Variants in DCDC2C observed in about 807,000 individuals in gnomAD.
DCDC2C encodes the protein doublecortin domain containing 2C.
In DCDC2C, 44 loss-of-function variants were observed where a neutral mutation model predicts 45.0. The observed-to-expected ratio is 0.98, with a 90% CI of 0.77 to 1.26. DCDC2C has a LOEUF of 1.26. Among genes scored for constraint, DCDC2C ranks in the 50% most tolerant of loss-of-function variants. DCDC2C has a pLI of 0.00. For missense variants in DCDC2C, 447 were observed against 468.9 expected, an observed-to-expected ratio of 0.95 and a Z score of 0.43; for synonymous variants, 187 against 178.8, an observed-to-expected ratio of 1.05 and a Z score of -0.37.
At chr2:3,817,199 G>T (rs1218322958) in intron 10 of DCDC2C, among the ~76,000 whole-genome samples, 1 of 152,158 alleles carries the variant, frequency 6.6e-6, no homozygotes, top group Non-Finnish European at 1.5e-5. Flanking sequence ...CCTGAGTGAT[G>T]GGATCTGGTG....
At chr2:3,797,345 AG>A (rs1354242189) in intron 10 of DCDC2C, among the ~76,000 whole-genome samples, 4 of 126,848 alleles carry the variant, frequency 3.2e-5, no homozygotes, top group African/African-American at 1.4e-4. Context: ...AATTTTTTGA[AG>A]GGTTTTTTGT....
chr2:3,820,475 G>A (rs746777313), intron 10 of DCDC2C, among the ~76,000 whole-genome samples: 4 of 151,974 alleles, frequency 2.6e-5, no homozygotes, highest in African/African-American at 7.3e-5. Context: ...CCCCGCAATC[G>A]ACTTGCCACC....
intron 10 of DCDC2C, among the ~76,000 whole-genome samples, chr2:3,794,517 C>A (rs1394826955): frequency 6.6e-6 from 1 of 151,936 alleles, no homozygotes; most frequent in East Asian, 1.9e-4. Flanking sequence ...CCTCCCCGCT[C>A]CCCCCACCCC....
At position 3,727,006 on chromosome 2, in the gene DCDC2C, A is replaced by T; in HGVS notation, c.343A>T (p.Lys115Ter). ...GGTGTGTTTTTTCCTTTTTCAGATC[A>T]AACCAGTGGTGCATTGTGATATAAA... ...PAKIRKLKEI[K>*]PVVHCDINVP... Residue 115 changes from lysine to a stop codon, truncating the protein, a stop_gained, in exon 3 of 11, where the codon AAA becomes TAA. Coordinates refer to ENST00000399143, the MANE Select transcript of DCDC2C (RefSeq NM_001287444.2). LOFTEE classifies it high-confidence loss of function. 1 of 1,550,466 alleles carries T rather than the reference A, an allele frequency of 6.4e-7. No individual in the cohort carries two copies. Among genetic ancestry groups the T allele is most frequent in the Non-Finnish European group, 8.7e-7 (1 of 1,146,902 alleles).
At chr2:3,813,859 C>T (rs1270253713) in intron 10 of DCDC2C, among the ~76,000 whole-genome samples, 1 of 151,084 alleles carries the variant, frequency 6.6e-6, no homozygotes, top group Admixed American at 6.6e-5. Flanking sequence ...AGTCTTGACT[C>T]TTTATCCAAT....
In DCDC2C at chr2:3,797,336, A is replaced by C. The variant is rs1397803602; in HGVS notation, c.1065+12236A>C. Among the ~76,000 whole-genome samples, 7 of 128,782 alleles carry C rather than the reference A, an allele frequency of 5.4e-5. No individual in the cohort carries two copies. In the East Asian group the frequency reaches 1.6e-3, roughly 29 times the overall value. The allele number at this position is 128,782 out of a possible 152,430, so 84.5% of individuals were successfully genotyped here. A position where few individuals can be genotyped will look rare whatever the true frequency, so the allele number is the denominator to read the frequency against. On this transcript the variant is annotated intron_variant, in intron 10 of 10. Coordinates refer to ENST00000399143, the MANE Select transcript of DCDC2C (RefSeq NM_001287444.2). ...AAAAAACCAGCCCCTGGATTCGTTA[A>C]TTTTTTGAAGGGTTTTTTGTGTCTC...
At chr2:3,780,622 A>G (rs562324543) in intron 9 of DCDC2C, among the ~76,000 whole-genome samples, 75 of 152,330 alleles carry the variant, frequency 4.9e-4, no homozygotes, top group Middle Eastern at 6.8e-3. Context: ...CTGAACATTA[A>G]TGACGGGAGA....
In DCDC2C at chr2:3,769,410, A is replaced by AGGTG; in HGVS notation, c.954+4_954+7dup. The AGGTG allele has an allele frequency of 6.5e-7, 1 of 1,550,280 alleles. No individual in the cohort carries two copies. The highest frequency in any genetic ancestry group is 8.7e-7 in the Non-Finnish European group (1 of 1,146,810). Reference sequence around the variant, plus strand: ...GTGCAGCTGGAGGTGCCTGTGGACCAGGTGGGTGTCCGGGGTCCGATGTCC... The same window carrying AGGTG: ...GTGCAGCTGGAGGTGCCTGTGGACCAGGTGGGTGGGTGTCCGGGGTCCGATGTCC... On this transcript the variant is annotated frameshift_variant and splice_region_variant, in exon 8 of 11. Coordinates refer to ENST00000399143, the MANE Select transcript of DCDC2C (RefSeq NM_001287444.2). LOFTEE classifies it high-confidence loss of function.
intron 7 of DCDC2C, chr2:3,769,074 GAC>G (rs1670089745): frequency 2.1e-6 from 1 of 469,768 alleles, no homozygotes; most frequent in African/African-American, 1.9e-5. Context: ...TGAAGACAGA[GAC>G]AAAAGCAGAC....
chr2:3,720,177 G>T (rs1189060400), intron 2 of DCDC2C, among the ~76,000 whole-genome samples: 1 of 152,264 alleles, frequency 6.6e-6, no homozygotes, highest in African/African-American at 2.4e-5. Context: ...GAGGCAAATG[G>T]ATGCCTTAGA....
At chr2:3,791,155 C>T (rs1022564829) in intron 10 of DCDC2C, among the ~76,000 whole-genome samples, 4 of 152,068 alleles carry the variant, frequency 2.6e-5, no homozygotes, top group Non-Finnish European at 5.9e-5. Context: ...AGCTTGTATC[C>T]CTCTATACAT....
intron 3 of DCDC2C, among the ~76,000 whole-genome samples, chr2:3,731,702 G>A (rs1171250093): frequency 6.6e-6 from 1 of 152,174 alleles, no homozygotes; most frequent in African/African-American, 2.4e-5. Flanking sequence ...ACTGAGCTCC[G>A]GTTTCATGAG....
intron 9 of DCDC2C, among the ~76,000 whole-genome samples, chr2:3,781,367 G>A (rs775650334): frequency 2.6e-5 from 4 of 152,144 alleles, no homozygotes; most frequent in East Asian, 1.9e-4. Flanking sequence ...TATGATTGCC[G>A]GCTTGACCTC....
At chr2:3,808,208 A>G (rs1193911802) in intron 10 of DCDC2C, among the ~76,000 whole-genome samples, 1 of 152,168 alleles carries the variant, frequency 6.6e-6, no homozygotes, top group African/African-American at 2.4e-5. Context: ...TATCAATTAA[A>G]AACATTTTTA....
intron 3 of DCDC2C, among the ~76,000 whole-genome samples, chr2:3,735,421 A>C (rs2148093556): frequency 1.3e-5 from 2 of 148,288 alleles, no homozygotes; most frequent in Non-Finnish European, 1.5e-5. Context: ...CCTGCCCCCC[A>C]CCCCACAACA....
intron 2 of DCDC2C, among the ~76,000 whole-genome samples, chr2:3,711,751 T>A (rs1237899792): frequency 6.6e-6 from 1 of 152,214 alleles, no homozygotes; most frequent in African/African-American, 2.4e-5. Flanking sequence ...GGAGACAAGT[T>A]TGTTCACATT....
At chr2:3,815,244 C>G (rs1013886238) in intron 10 of DCDC2C, among the ~76,000 whole-genome samples, 1 of 152,260 alleles carries the variant, frequency 6.6e-6, no homozygotes, top group African/African-American at 2.4e-5. Context: ...CTGGGTAGCA[C>G]GCTCACTCAC....
chr2:3,793,665 G>C (rs1478650387), intron 10 of DCDC2C, among the ~76,000 whole-genome samples: 3 of 152,188 alleles, frequency 2.0e-5, no homozygotes, highest in Non-Finnish European at 4.4e-5. Flanking sequence ...TGTTACAATA[G>C]AAATGTTTTA....
intron 10 of DCDC2C, among the ~76,000 whole-genome samples, chr2:3,801,145 G>A (rs1479604260): frequency 6.6e-6 from 1 of 152,252 alleles, no homozygotes; most frequent in African/African-American, 2.4e-5. Flanking sequence ...AATGAAAACA[G>A]TCACTTTCAA....
Sources: gnomAD v4.1 joint callset for allele counts (sites outside exome capture counted in the v4.1 genomes callset) on GRCh38, gnomAD v4.1.1 for gene constraint, MANE v1.5 for transcripts, NCBI Gene and HGNC (gene_info 2026-07-23, HGNC 2026-07-21) for gene names.